The following AFAP1 variants were observed in gnomAD, a reference collection of about 807,000 sequenced individuals.
The protein encoded by AFAP1 is actin filament-associated protein 1.
AFAP1 carries 75 observed loss-of-function variants against 93.9 expected under a neutral mutation model. That is an observed-to-expected ratio of 0.80 (90% CI 0.66 to 0.97). The LOEUF (loss-of-function observed/expected upper bound fraction) is 0.97. AFAP1 is among the 50% of genes least tolerant of loss of function. The probability of loss-of-function intolerance (pLI) is 0.00; values close to 1 mark genes in which losing one functional copy is unlikely to be tolerated. For missense variants in AFAP1, 1,201 were observed against 1,050.8 expected (o/e 1.14, Z -1.98); for synonymous variants, 517 against 430.7 (o/e 1.20, Z -2.48).
At chr4:7,872,230 C>G in intron 1 of AFAP1, 150 bp from the exon 2 acceptor site, 1 of 932,654 alleles carries the variant, frequency 1.1e-6, no homozygotes, top group East Asian at 2.7e-5. Flanking sequence ...GAAAGCAGGT[C>G]CACTAAAAGA....
intron 6 of AFAP1, among the ~76,000 whole-genome samples, chr4:7,835,462 C>T (rs1401845754): frequency 5.0e-5 from 4 of 79,546 alleles, no homozygotes; most frequent in Non-Finnish European, 3.1e-5. Flanking sequence ...CTGTGGGCTG[C>T]CTTAAGGTTA....
At chr4:7,770,091 C>T (rs1045485520) in intron 16 of AFAP1, among the ~76,000 whole-genome samples, 23 of 152,162 alleles carry the variant, frequency 1.5e-4, no homozygotes, top group African/African-American at 4.8e-4. Context: ...TCCCCAGATG[C>T]GGGGACAGAG....
intron 6 of AFAP1, among the ~76,000 whole-genome samples, chr4:7,830,388 T>C (rs548669317): frequency 5.2e-4 from 79 of 152,278 alleles, no homozygotes; most frequent in Non-Finnish European, 8.8e-4. Flanking sequence ...CGCGAGGCTG[T>C]GGGACATGTG....
At chr4:7,902,290 C>T (rs1423681624) in intron 1 of AFAP1, among the ~76,000 whole-genome samples, 4 of 152,202 alleles carry the variant, frequency 2.6e-5, no homozygotes, top group African/African-American at 7.2e-5. Context: ...ACGCTTATCC[C>T]ACCTCGCCAT....
At chr4:7,802,085 T>C (rs889533954) in intron 9 of AFAP1, among the ~76,000 whole-genome samples, 1 of 151,866 alleles carries the variant, frequency 6.6e-6, no homozygotes, top group African/African-American at 2.4e-5. Context: ...CCCAGAATGA[T>C]GCTTTATTAC....
intron 8 of AFAP1, among the ~76,000 whole-genome samples, chr4:7,810,947 G>T (rs6446622): frequency 6.6e-6 from 1 of 152,038 alleles, no homozygotes; most frequent in South Asian, 2.1e-4. Flanking sequence ...GACCTCCGGC[G>T]GAATTGCAGG....
At chr4:7,932,764 G>A (rs960393255) in intron 1 of AFAP1, among the ~76,000 whole-genome samples, 1 of 152,138 alleles carries the variant, frequency 6.6e-6, no homozygotes, top group South Asian at 2.1e-4. Context: ...GCTCACGCCT[G>A]TAATTCCAGC....
rs951018791 is a variant in AFAP1, at chr4:7,765,572, C to T, written c.2419-1781G>A. 3.9e-5 allele frequency among the ~76,000 whole-genome samples: 6 copies of T among 152,370 alleles called. No individual in the cohort carries two copies. In the East Asian group the frequency reaches 1.2e-3, roughly 29 times the overall value. On this transcript the variant is annotated intron_variant, in intron 17 of 17. Coordinates refer to ENST00000420658, the MANE Select transcript of AFAP1 (RefSeq NM_001134647.2). Reference sequence around the variant, plus strand: ...TGCACAGAGGCAGAAGCCTGGGCTACTCATGGTCTCTGGAGCTACGTGGAT... The same window carrying T: ...TGCACAGAGGCAGAAGCCTGGGCTATTCATGGTCTCTGGAGCTACGTGGAT...
At chr4:7,895,502 G>A (rs540397539) in intron 1 of AFAP1, among the ~76,000 whole-genome samples, 1 of 152,140 alleles carries the variant, frequency 6.6e-6, no homozygotes, top group Non-Finnish European at 1.5e-5. Flanking sequence ...ATAACACATA[G>A]TAAGTGCTCA....
At chr4:7,890,521 C>A (rs1718407903) in intron 1 of AFAP1, among the ~76,000 whole-genome samples, 1 of 152,184 alleles carries the variant, frequency 6.6e-6, no homozygotes. Context: ...ATAAATTGAA[C>A]TTTTTAATCT....
At chr4:7,870,543 G>A (rs1716932647) in intron 2 of AFAP1, among the ~76,000 whole-genome samples, 1 of 152,124 alleles carries the variant, frequency 6.6e-6, no homozygotes, top group Non-Finnish European at 1.5e-5. Flanking sequence ...TGTAGTCCCA[G>A]CTACTAGGGA....
At chr4:7,767,248 G>C (rs913055672) in intron 17 of AFAP1, among the ~76,000 whole-genome samples, 1 of 152,196 alleles carries the variant, frequency 6.6e-6, no homozygotes, top group African/African-American at 2.4e-5. Flanking sequence ...GGTGGCCCAG[G>C]ATCACTCGCT....
At chr4:7,851,025 GCTGTT>G (rs1234730552) in intron 4 of AFAP1, among the ~76,000 whole-genome samples, 2 of 150,620 alleles carry the variant, frequency 1.3e-5, no homozygotes, top group African/African-American at 4.9e-5. Context: ...TGTAATTTCT[GCTGTT>G]CTGATGAAAC....
At chr4:7,884,071 T>A (rs1223973442) in intron 1 of AFAP1, among the ~76,000 whole-genome samples, 1 of 151,938 alleles carries the variant, frequency 6.6e-6, no homozygotes, top group Admixed American at 6.6e-5. Flanking sequence ...AGTGAGTGAG[T>A]CCCACTCAGG....
At chr4:7,824,701 A>T (rs771778828) in intron 6 of AFAP1, among the ~76,000 whole-genome samples, 88 of 152,146 alleles carry the variant, frequency 5.8e-4, no homozygotes, top group Middle Eastern at 3.2e-3. Flanking sequence ...AATAATGCCT[A>T]CACGTGAATG....
chr4:7,781,656 G>A (rs1716787259), intron 12 of AFAP1, 29 bp from the exon 13 acceptor site: 3 of 1,548,058 alleles, frequency 1.9e-6, no homozygotes, highest in African/African-American at 1.4e-5. Flanking sequence ...TGTGGTTAGT[G>A]ACTTGGACAC....
intron 4 of AFAP1, among the ~76,000 whole-genome samples, chr4:7,844,035 G>A (rs539296968): frequency 7.2e-5 from 11 of 152,106 alleles, no homozygotes; most frequent in African/African-American, 2.2e-4. Flanking sequence ...CCATCCACTC[G>A]CCCTCCTGCC....
chr4:7,896,340 T>C (rs1340502394), intron 1 of AFAP1, among the ~76,000 whole-genome samples: 4 of 152,028 alleles, frequency 2.6e-5, no homozygotes, highest in Admixed American at 6.6e-5. Flanking sequence ...ACAAACTAAA[T>C]AATACTGAAC....
At chr4:7,919,086 G>A (rs1313850815) in intron 1 of AFAP1, among the ~76,000 whole-genome samples, 5 of 152,148 alleles carry the variant, frequency 3.3e-5, no homozygotes, top group Non-Finnish European at 4.4e-5. Flanking sequence ...AAGAAACAGG[G>A]CTGCCAGATG....
Sources: allele counts gnomAD v4.1 joint callset (sites outside exome capture counted in the v4.1 genomes callset), GRCh38; gene constraint gnomAD v4.1.1; transcripts MANE v1.5; gene names NCBI Gene and HGNC (gene_info 2026-07-23, HGNC 2026-07-21).